The following CRTAM variants were observed in gnomAD, a reference collection of about 807,000 sequenced individuals.
The protein encoded by CRTAM is cytotoxic and regulatory T cell molecule.
A neutral mutation model predicts 50.0 loss-of-function variants in CRTAM; 44 were observed. The ratio of observed to expected loss-of-function variants is 0.88; its 90% confidence interval spans 0.69 to 1.13. CRTAM has a LOEUF of 1.13. Ranked by LOEUF, CRTAM falls within the 50% of genes most tolerant of loss-of-function variation. The pLI is 0.00. For synonymous variants in CRTAM, 159 were observed against 169.3 expected (o/e 0.94, Z 0.47); for missense variants, 448 against 457.5 (o/e 0.98, Z 0.19).
At position 122,867,572 on chromosome 11, in the gene CRTAM, C is replaced by G. The variant is rs781419451; in HGVS notation, c.964+17C>G. 3 of 1,608,566 alleles carry G rather than the reference C, an allele frequency of 1.9e-6. No individual in the cohort carries two copies. The highest frequency in any genetic ancestry group is 2.5e-6 in the Non-Finnish European group (3 of 1,177,158). Reference sequence around the variant, plus strand: ...GGAAGAAAGGTCAGTGGGCAGGGAACCTGACGGGGGCTATAAGACGCCAGA... The same window carrying G: ...GGAAGAAAGGTCAGTGGGCAGGGAAGCTGACGGGGGCTATAAGACGCCAGA... On this transcript the variant is annotated intron_variant, in intron 8 of 9. Coordinates refer to ENST00000227348, the MANE Select transcript of CRTAM (RefSeq NM_019604.4).
chr11:122,854,175 A>G lies in CRTAM; in HGVS notation c.490+89A>G. ...GTTTTGGCACCCTCTAGTGGCAGACAATGCCAGAAGACATCATTTAATATT... is the reference window on the plus strand; with the variant it reads ...GTTTTGGCACCCTCTAGTGGCAGACGATGCCAGAAGACATCATTTAATATT... On this transcript the variant is annotated intron_variant, in intron 4 of 9. Coordinates refer to ENST00000227348, the MANE Select transcript of CRTAM (RefSeq NM_019604.4). 3 of 1,315,468 alleles carry G rather than the reference A, an allele frequency of 2.3e-6. No individual in the cohort carries two copies. In the South Asian group the frequency reaches 4.2e-5, roughly 19 times the overall value. 81.5% of individuals were successfully genotyped at this position (1,315,468 alleles called of 1,614,324 possible). A position where few individuals can be genotyped will look rare whatever the true frequency, so the allele number is the denominator to read the frequency against.
chr11:122,867,255 C>T (rs369061809), intron 7 of CRTAM, among the ~76,000 whole-genome samples, 154 bp from the exon 8 acceptor site: 19 of 151,760 alleles, frequency 1.3e-4, no homozygotes, highest in Non-Finnish European at 2.2e-4. Context: ...CAATGTAAGT[C>T]TCTTTACCTT....
intron 1 of CRTAM, 52 bp downstream of exon 1, chr11:122,838,644 C>A: frequency 6.5e-7 from 1 of 1,540,922 alleles, no homozygotes; most frequent in Non-Finnish European, 9.0e-7. Flanking sequence ...AATGTTTTGC[C>A]ACATCTACCT....
rs188767163 is a variant in CRTAM at position 122,872,632 on chromosome 11, C to T, written c.*1233C>T. On this transcript the variant is annotated 3_prime_UTR_variant, in exon 10 of 10. Coordinates refer to ENST00000227348, the MANE Select transcript of CRTAM (RefSeq NM_019604.4). ...TGTTGGAATCTGAATAAACCAATTA[C>T]AAAATAACATATGTGCACATTGTAA... The T allele has an allele frequency of 6.5e-5, 10 of 152,738 alleles. No individual in the cohort carries two copies. The East Asian group carries it at 1.7e-3, about 27-fold the overall frequency. The allele number at this position is 152,738 out of a possible 1,614,324, so 9.5% of individuals were successfully genotyped here. A position where few individuals can be genotyped will look rare whatever the true frequency, so the allele number is the denominator to read the frequency against.
chr11:122,844,115 C>T (rs149273619), intron 1 of CRTAM, among the ~76,000 whole-genome samples: 4 of 152,318 alleles, frequency 2.6e-5, no homozygotes, highest in Admixed American at 2.0e-4. Context: ...ATCTGGTTAG[C>T]CGCCTGATAC....
chr11:122,851,379 A>G (rs1192705063), intron 2 of CRTAM, among the ~76,000 whole-genome samples: 1 of 152,240 alleles, frequency 6.6e-6, no homozygotes, highest in Non-Finnish European at 1.5e-5. Context: ...CTAATTGTTA[A>G]AAGTTCTGAG....
intron 3 of CRTAM, among the ~76,000 whole-genome samples, chr11:122,853,000 A>G (rs949269984): frequency 3.4e-4 from 52 of 152,142 alleles, no homozygotes; most frequent in Non-Finnish European, 1.3e-4. Context: ...AGCAAGCCTA[A>G]CTAAAAAGTA....
In CRTAM at chr11:122,871,272, C is replaced by T. The variant is rs1565295487; in HGVS notation, c.1055C>T (p.Ser352Phe). 6.2e-7 allele frequency: 1 copy of T among 1,608,520 alleles called. No homozygotes were observed. The highest frequency in any genetic ancestry group is 1.7e-5 in the Admixed American group (1 of 59,224). Residue 352 changes from serine to phenylalanine, a missense_variant, in exon 10 of 10, where the codon TCC becomes TTC. Coordinates refer to ENST00000227348, the MANE Select transcript of CRTAM (RefSeq NM_019604.4). ...CTTCAACATGTTTTTCTTTCAGCTT[C>T]CCACCCTATGCGTTGCATGAACTAC... ...TSSEEKNGQS[S>F]HPMRCMNYIT... is the part of the protein sequence containing the mutation.
Position 122,851,786 on chromosome 11 carries a change from A to C in CRTAM, c.287A>C (p.Tyr96Ser). The C allele has an allele frequency of 6.2e-7, 1 of 1,614,202 alleles. No individual in the cohort carries two copies. Among genetic ancestry groups the C allele is most frequent in the Non-Finnish European group, 8.5e-7 (1 of 1,180,012 alleles). The change falls in exon 3 of 10, where the codon TAC becomes TCC. Residue 96 changes from tyrosine (Y) to serine (S), a missense_variant. Tyr to Ser is a moderately radical substitution (Grantham distance 144). Coordinates refer to ENST00000227348, the MANE Select transcript of CRTAM (RefSeq NM_019604.4). The part of the protein sequence containing the change: ...PNVTLQDEGV[Y>S]KCLHYSDSVS... The stretch of plus-strand genomic sequence containing the variant: ...GTAACCCTGCAAGATGAAGGCGTGT[A>C]CAAGTGCTTACATTACAGCGACTCT...
intron 5 of CRTAM, among the ~76,000 whole-genome samples, chr11:122,859,147 T>C (rs765744924): frequency 1.7e-4 from 26 of 152,190 alleles, no homozygotes; most frequent in Non-Finnish European, 3.4e-4. Context: ...AGTGCACTTA[T>C]TTTTTGAGAT....
At chr11:122,847,588 C>T (rs1029613798) in intron 1 of CRTAM, among the ~76,000 whole-genome samples, 6 of 152,208 alleles carry the variant, frequency 3.9e-5, no homozygotes, top group African/African-American at 1.4e-4. Flanking sequence ...TGAGATGTTA[C>T]AGCTCAAGAG....
intron 1 of CRTAM, among the ~76,000 whole-genome samples, chr11:122,848,419 C>T (rs1023650910): frequency 6.6e-6 from 1 of 152,162 alleles, no homozygotes; most frequent in African/African-American, 2.4e-5. Flanking sequence ...GCCTTATGCC[C>T]CAGTGCTTTT....
rs1565295779 is a variant in CRTAM, at chr11:122,871,682, G to T, written c.*283G>T. The T allele has an allele frequency of 1.5e-5, 3 of 205,962 alleles. No individual in the cohort carries two copies. In the East Asian group the frequency reaches 3.4e-4, roughly 24 times the overall value. 12.8% of individuals were successfully genotyped at this position (205,962 alleles called of 1,614,324 possible). ...TACGAAGCCTTGGGGATCAGGGTCAGTGTGAGCAGCTAACATCCTACCTCA... is the reference window on the plus strand; with the variant it reads ...TACGAAGCCTTGGGGATCAGGGTCATTGTGAGCAGCTAACATCCTACCTCA... On this transcript the variant is annotated 3_prime_UTR_variant, in exon 10 of 10. Transcript: ENST00000227348.
At position 122,866,811 on chromosome 11, in the gene CRTAM, A is replaced by C. The variant is rs1217113229; in HGVS notation, c.818-598A>C. 2.0e-5 allele frequency among the ~76,000 whole-genome samples: 3 copies of C among 151,898 alleles called. No individual in the cohort carries two copies. In the East Asian group the frequency reaches 5.8e-4, roughly 29 times the overall value. The stretch of plus-strand genomic sequence containing the variant: ...ATTTTTGTAGAGACAAAGTGTCACT[A>C]TGTTGCCCAGGCTGGTCTCAAACTC... On this transcript the variant is annotated intron_variant, in intron 7 of 9. Coordinates refer to ENST00000227348, the MANE Select transcript of CRTAM (RefSeq NM_019604.4).
At chr11:122,857,223 CT>C (rs1565290592) in intron 5 of CRTAM, among the ~76,000 whole-genome samples, 8 of 152,280 alleles carry the variant, frequency 5.3e-5, no homozygotes, top group African/African-American at 2.4e-5. Context: ...AATCCCAGCA[CT>C]TTGGGAAGCC....
rs537715607 is a variant in CRTAM, at chr11:122,870,746, G to A, written c.1052-523G>A. Reference sequence around the variant, plus strand: ...GAAATATCTGTATATTTTATTTCACGTTTACCAGTATATTGTTTATATAGT... The same window carrying A: ...GAAATATCTGTATATTTTATTTCACATTTACCAGTATATTGTTTATATAGT... On this transcript the variant is annotated intron_variant, in intron 9 of 9. Coordinates refer to ENST00000227348, the MANE Select transcript of CRTAM (RefSeq NM_019604.4). Among the ~76,000 whole-genome samples, 5 of 152,194 alleles carry A rather than the reference G, an allele frequency of 3.3e-5. No homozygotes were observed. The East Asian group carries it at 5.8e-4, about 18-fold the overall frequency.
intron 5 of CRTAM, among the ~76,000 whole-genome samples, chr11:122,858,879 A>G (rs1390961753): frequency 1.3e-5 from 2 of 152,118 alleles, no homozygotes; most frequent in African/African-American, 4.8e-5. Flanking sequence ...TCTATTACTT[A>G]CCTGGGGATA....
chr11:122,869,368 G>T (rs986411246), intron 9 of CRTAM, among the ~76,000 whole-genome samples: 1 of 152,232 alleles, frequency 6.6e-6, no homozygotes, highest in Admixed American at 6.5e-5. Flanking sequence ...GCACAGGTTA[G>T]TTGATAAATT....
chr11:122,869,545 G>A (rs988824499), intron 9 of CRTAM, among the ~76,000 whole-genome samples: 8 of 152,206 alleles, frequency 5.3e-5, no homozygotes, highest in Admixed American at 3.3e-4. Flanking sequence ...TTGTATTCTT[G>A]ATAAAGATCT....
Sources: allele counts gnomAD v4.1 joint callset (sites outside exome capture counted in the v4.1 genomes callset), GRCh38; gene constraint gnomAD v4.1.1; transcripts MANE v1.5; gene names NCBI Gene and HGNC (gene_info 2026-07-23, HGNC 2026-07-21).